VKORC1L1: variants seen among roughly 807,000 people sequenced by gnomAD.
VKORC1L1 encodes the protein vitamin K epoxide reductase complex subunit 1-like protein 1.
A neutral mutation model predicts 18.9 loss-of-function variants in VKORC1L1; 2 were observed. That is an observed-to-expected ratio of 0.11 (90% confidence interval 0.04 to 0.33). The LOEUF is 0.33. Ranked by LOEUF, VKORC1L1 falls within the 10% of genes least tolerant of loss-of-function variation. VKORC1L1 has a pLI of 1.00. For synonymous variants in VKORC1L1, 96 were observed against 100.0 expected, an observed-to-expected ratio of 0.96 and a Z score of 0.24; for missense variants, 123 against 224.1, an observed-to-expected ratio of 0.55 and a Z score of 2.88.
At chr7:65,869,480 A>G (rs940183220), upstream of VKORC1L1, among the ~76,000 whole-genome samples, 11 of 152,068 alleles carry the variant, frequency 7.2e-5, no homozygotes, top group Admixed American at 5.3e-4. Flanking sequence ...CATAAGAGCC[A>G]TTCCTGTGGC....
Position 65,933,483 on chromosome 7 carries a change from A to G in VKORC1L1, c.195-15188A>G, listed in dbSNP as rs535759190. 1.9e-3 allele frequency among the ~76,000 whole-genome samples: 286 copies of G among 152,300 alleles called. 1 individual carries two copies. Among genetic ancestry groups the G allele is most frequent in the Non-Finnish European group, 2.5e-3 (167 of 68,032 alleles). ...TTTTCTTGTGCAAAGTTTATACAAC[A>G]TAAAGTTTACATTTTAACCATTTTC... On this transcript the variant is annotated intron_variant, in intron 1 of 2. Transcript: ENST00000360768.
Position 65,923,682 on chromosome 7 carries a change from A to G in VKORC1L1, c.195-24989A>G, listed in dbSNP as rs141261214. ...TTTCCTTCCTGGCCTTGACAAATTA[A>G]GAGTGTGAGACCAAAAAGTGTTTCC... is the stretch of plus-strand genomic sequence containing the variant. On this transcript the variant is annotated intron_variant, in intron 1 of 2. Transcript: ENST00000360768. Among the ~76,000 whole-genome samples, 285 of 152,344 alleles carry G rather than the reference A, an allele frequency of 1.9e-3. 3 individuals carry two copies. Among genetic ancestry groups the G allele is most frequent in the African/African-American group, 6.7e-3 (278 of 41,578 alleles).
At chr7:65,891,939 A>G (rs1373435898) in intron 1 of VKORC1L1, among the ~76,000 whole-genome samples, 1 of 152,166 alleles carries the variant, frequency 6.6e-6, no homozygotes, top group African/African-American at 2.4e-5. Flanking sequence ...CCAGTCACCA[A>G]TCCCTCTTTA....
At chr7:65,926,015 A>G (rs959410410) in intron 1 of VKORC1L1, among the ~76,000 whole-genome samples, 1 of 152,096 alleles carries the variant, frequency 6.6e-6, no homozygotes, top group African/African-American at 2.4e-5. Flanking sequence ...ACCACTAATG[A>G]TATAATTAAC....
intron 1 of VKORC1L1, among the ~76,000 whole-genome samples, chr7:65,885,341 T>C (rs1419613280): frequency 6.6e-6 from 1 of 152,148 alleles, no homozygotes; most frequent in African/African-American, 2.4e-5. Context: ...CATTTGTTAT[T>C]TGTCTTTTAA....
chr7:65,869,640 C>CT (rs1226951533), upstream of VKORC1L1, among the ~76,000 whole-genome samples: 22,853 of 77,216 alleles, frequency 0.3, 5,072 homozygotes, highest in Non-Finnish European at 0.38. Context: ...CGATTTCATT[C>CT]TTTTTTTTTT....
At chr7:65,883,173 A>T (rs1326260486) in intron 1 of VKORC1L1, among the ~76,000 whole-genome samples, 1 of 123,338 alleles carries the variant, frequency 8.1e-6, no homozygotes, top group Admixed American at 1.1e-4. Context: ...ATGGAGTCTC[A>T]CTCTGTCACC....
chr7:65,938,655 G>A (rs1460129873), intron 1 of VKORC1L1, among the ~76,000 whole-genome samples: 2 of 152,208 alleles, frequency 1.3e-5, no homozygotes, highest in Non-Finnish European at 2.9e-5. Context: ...ACGCAGGATG[G>A]TGGAAGAGTA....
chr7:65,870,827 C>T (rs924223406), upstream of VKORC1L1, among the ~76,000 whole-genome samples: 21 of 152,180 alleles, frequency 1.4e-4, no homozygotes, highest in Admixed American at 5.9e-4. Context: ...GTCATCCAGG[C>T]TGGAGTGCAG....
chr7:65,890,124 A>AT (rs35228954), intron 1 of VKORC1L1, among the ~76,000 whole-genome samples: 2,830 of 90,324 alleles, frequency 0.031, 63 homozygotes, highest in African/African-American at 0.065. Context: ...CACCTGGGTA[A>AT]TTTTTTTTTT....
intron 1 of VKORC1L1, among the ~76,000 whole-genome samples, chr7:65,890,352 C>G (rs1485750811): frequency 6.6e-6 from 1 of 152,084 alleles, no homozygotes; most frequent in Non-Finnish European, 1.5e-5. Flanking sequence ...AGGATGGTCT[C>G]TATCTCCTGA....
chr7:65,890,363 C>G (rs183939841), intron 1 of VKORC1L1, among the ~76,000 whole-genome samples: 3 of 152,218 alleles, frequency 2.0e-5, no homozygotes, highest in Admixed American at 6.6e-5. Flanking sequence ...TATCTCCTGA[C>G]CTCGTGATCC....
intron 1 of VKORC1L1, among the ~76,000 whole-genome samples, chr7:65,947,304 G>A (rs1036739840): frequency 1.3e-5 from 2 of 151,898 alleles, no homozygotes; most frequent in African/African-American, 4.8e-5. Context: ...TTAAACTATT[G>A]TGGCCTGTGA....
intron 1 of VKORC1L1, among the ~76,000 whole-genome samples, chr7:65,937,363 T>C (rs1017211321): frequency 3.3e-5 from 5 of 152,238 alleles, no homozygotes; most frequent in Non-Finnish European, 7.3e-5. Flanking sequence ...TTCCATTTTA[T>C]CCAGCACTGG....
intron 1 of VKORC1L1, among the ~76,000 whole-genome samples, chr7:65,904,570 A>G (rs1246858271): frequency 6.6e-6 from 1 of 152,194 alleles, no homozygotes; most frequent in South Asian, 2.1e-4. Flanking sequence ...GCAGACTGAT[A>G]GTTAACAATG....
chr7:65,944,228 C>T (rs1476225624), intron 1 of VKORC1L1, among the ~76,000 whole-genome samples: 16 of 151,534 alleles, frequency 1.1e-4, no homozygotes, highest in Admixed American at 5.3e-4. Flanking sequence ...ATTAGCCCTG[C>T]GTGGTGGTGG....
chr7:65,924,545 G>T (rs1224358508), intron 1 of VKORC1L1, among the ~76,000 whole-genome samples: 1 of 152,196 alleles, frequency 6.6e-6, no homozygotes, highest in Non-Finnish European at 1.5e-5. Context: ...TAATACAAAT[G>T]TAAATGGCTG....
intron 1 of VKORC1L1, among the ~76,000 whole-genome samples, chr7:65,895,516 T>TATATATATATATATAC (rs370356956): frequency 5.6e-5 from 4 of 71,598 alleles, no homozygotes; most frequent in African/African-American, 9.7e-5. Context: ...TATATATATA[T>TATATATATATATATAC]ACACACACAC....
At chr7:65,897,961 G>A (rs892767152) in intron 1 of VKORC1L1, among the ~76,000 whole-genome samples, 1 of 151,422 alleles carries the variant, frequency 6.6e-6, no homozygotes, top group African/African-American at 2.4e-5. Context: ...CTTAAAAATA[G>A]CATGAAGGTA....
Sources: allele counts gnomAD v4.1 joint callset (sites outside exome capture counted in the v4.1 genomes callset), GRCh38; gene constraint gnomAD v4.1.1; transcripts MANE v1.5; gene names NCBI Gene and HGNC (gene_info 2026-07-23, HGNC 2026-07-21).